FNIP2: variants seen among roughly 807,000 people sequenced by gnomAD.
FNIP2 encodes folliculin-interacting protein 2.
In FNIP2, 32 loss-of-function variants were observed where a neutral mutation model predicts 108.7. That is an observed-to-expected ratio of 0.29 (90% confidence interval 0.22 to 0.40). FNIP2 has a LOEUF of 0.40. Among genes scored for constraint, FNIP2 ranks in the 10% least tolerant of loss-of-function variants. The probability of loss-of-function intolerance (pLI) is 1.00; values close to 1 mark genes in which losing one functional copy is unlikely to be tolerated. For synonymous variants in FNIP2, 480 were observed against 496.7 expected (o/e 0.97, Z 0.45); for missense variants, 1,202 against 1,381.6 (o/e 0.87, Z 2.06).
intron 15 of FNIP2, among the ~76,000 whole-genome samples, chr4:158,892,117 C>T (rs1782312359): frequency 6.7e-6 from 1 of 149,438 alleles, no homozygotes; most frequent in South Asian, 2.1e-4. Context: ...GTACTATACA[C>T]ATGTAAGATT....
At chr4:158,817,537 A>G (rs1454562971) in intron 1 of FNIP2, among the ~76,000 whole-genome samples, 1 of 151,778 alleles carries the variant, frequency 6.6e-6, no homozygotes, top group Non-Finnish European at 1.5e-5. Context: ...GTCCCACCCC[A>G]TTTCCCATTT....
intron 7 of FNIP2, among the ~76,000 whole-genome samples, chr4:158,839,839 C>T (rs1779025269): frequency 1.3e-5 from 2 of 152,142 alleles, no homozygotes; most frequent in Admixed American, 1.3e-4. Flanking sequence ...TTATGTATTT[C>T]CTATCCCTGT....
chr4:158,886,975 A>G (rs1184068715), intron 14 of FNIP2, among the ~76,000 whole-genome samples: 3 of 152,238 alleles, frequency 2.0e-5, no homozygotes, highest in African/African-American at 7.2e-5. Flanking sequence ...TTACCAAGTA[A>G]TCTTACTAAA....
intron 1 of FNIP2, among the ~76,000 whole-genome samples, chr4:158,824,763 C>A (rs887174144): frequency 5.3e-5 from 8 of 152,154 alleles, no homozygotes; most frequent in Admixed American, 2.0e-4. Context: ...GTCCTTTCCA[C>A]CTCACGGCAC....
intron 7 of FNIP2, among the ~76,000 whole-genome samples, chr4:158,845,263 A>G (rs1042312148): frequency 1.3e-5 from 2 of 152,232 alleles, no homozygotes; most frequent in African/African-American, 4.8e-5. Context: ...TGAGGTACCA[A>G]TTGGAGAATT....
At chr4:158,823,132 A>C (rs911005872) in intron 1 of FNIP2, among the ~76,000 whole-genome samples, 1 of 152,232 alleles carries the variant, frequency 6.6e-6, no homozygotes, top group Non-Finnish European at 1.5e-5. Context: ...GGCAAAATGT[A>C]ATTATTAGGG....
intron 1 of FNIP2, among the ~76,000 whole-genome samples, chr4:158,788,465 T>A (rs1776295604): frequency 6.6e-6 from 1 of 152,266 alleles, no homozygotes; most frequent in Non-Finnish European, 1.5e-5. Flanking sequence ...GTGTTTAACC[T>A]CCACTTTTCT....
chr4:158,871,509 T>C, intron 14 of FNIP2: 1 of 985,210 alleles, frequency 1.0e-6, no homozygotes. Flanking sequence ...ACAGGCTAAG[T>C]ATATTTATGT....
chr4:158,882,699 C>G (rs376006695), intron 14 of FNIP2, among the ~76,000 whole-genome samples: 3 of 152,162 alleles, frequency 2.0e-5, no homozygotes, highest in African/African-American at 4.8e-5. Flanking sequence ...GACCTTACCC[C>G]CAACCGGGTG....
At chr4:158,882,290 G>A (rs955610294) in intron 14 of FNIP2, among the ~76,000 whole-genome samples, 1 of 152,236 alleles carries the variant, frequency 6.6e-6, no homozygotes, top group African/African-American at 2.4e-5. Flanking sequence ...TCTGGGAAGT[G>A]AGGAGCGTCT....
At chr4:158,886,740 C>T (rs1470860567) in intron 14 of FNIP2, among the ~76,000 whole-genome samples, 1 of 152,152 alleles carries the variant, frequency 6.6e-6, no homozygotes, top group East Asian at 1.9e-4. Context: ...CTCAAACAGG[C>T]ATCTTAAGTG....
intron 16 of FNIP2, among the ~76,000 whole-genome samples, chr4:158,901,128 A>ATTTTTTTTTTTTTTTTTTTTTTTTTT (rs140017298): frequency 8.9e-6 from 1 of 112,302 alleles, no homozygotes; most frequent in Non-Finnish European, 1.7e-5. Context: ...CTGGGTTGAA[A>ATTTTTTTTTTTTTTTTTTTTTTTTTT]TTTTTTTTTT....
In FNIP2 at chr4:158,866,094, C is replaced by A. The variant is rs573030386; in HGVS notation, c.1466-2008C>A. On this transcript the variant is annotated intron_variant, in intron 12 of 16. Transcript: ENST00000264433. Reference sequence around the variant, plus strand: ...TATGCCCTTATAACTGCTTTCCCTCCTCTCTAGATGCATTCCTCAGAGGGT... The same window carrying A: ...TATGCCCTTATAACTGCTTTCCCTCATCTCTAGATGCATTCCTCAGAGGGT... Among the ~76,000 whole-genome samples, 14 of 150,144 alleles carry A rather than the reference C, an allele frequency of 9.3e-5. No homozygotes were observed. In the East Asian group the frequency reaches 2.3e-3, roughly 25 times the overall value.
chr4:158,797,681 A>C (rs939126825), intron 1 of FNIP2, among the ~76,000 whole-genome samples: 11 of 152,210 alleles, frequency 7.2e-5, no homozygotes, highest in African/African-American at 2.2e-4. Context: ...CCTGGGTGTC[A>C]GAGCAAGACC....
intron 1 of FNIP2, among the ~76,000 whole-genome samples, chr4:158,823,576 CTG>C (rs1356861104): frequency 2.0e-5 from 3 of 152,182 alleles, no homozygotes; most frequent in Admixed American, 1.3e-4. Flanking sequence ...AGTCATCAGA[CTG>C]TGTTGATTGT....
chr4:158,830,242 A>G (rs1197029322), intron 3 of FNIP2, among the ~76,000 whole-genome samples: 4 of 133,064 alleles, frequency 3.0e-5, no homozygotes, highest in Non-Finnish European at 6.4e-5. Flanking sequence ...TGATAGATTT[A>G]TCTTTCTTTT....
At chr4:158,805,356 G>C (rs1392589359) in intron 1 of FNIP2, among the ~76,000 whole-genome samples, 1 of 152,072 alleles carries the variant, frequency 6.6e-6, no homozygotes, top group Non-Finnish European at 1.5e-5. Context: ...TTTTCTTCGT[G>C]AACCCACAGA....
chr4:158,776,544 G>A (rs907399184), intron 1 of FNIP2, among the ~76,000 whole-genome samples: 1 of 152,166 alleles, frequency 6.6e-6, no homozygotes, highest in Non-Finnish European at 1.5e-5. Context: ...TTCTTCATTA[G>A]CTATCCTCAT....
In FNIP2 at chr4:158,859,136, A is replaced by G. The variant is rs1194280553; in HGVS notation, c.937A>G (p.Ile313Val). ...TATGGTTAGGAGGAAGAAAATTGCC[A>G]TAAGCATCATCTTTTCCCTATGTGA... ...PAMVRRKKIA[I>V]SIIFSLCEKE... is the part of the protein sequence containing the mutation. The change falls in exon 9 of 17, where the codon ATA (isoleucine) becomes GTA (valine). Residue 313 changes from isoleucine to valine, a missense_variant. Transcript: ENST00000264433. 6 of 1,613,912 alleles carry G rather than the reference A, an allele frequency of 3.7e-6. No homozygotes were observed. The highest frequency in any genetic ancestry group is 1.3e-5 in the African/African-American group (1 of 74,954).
Sources: gnomAD v4.1 joint callset for allele counts (sites outside exome capture counted in the v4.1 genomes callset) on GRCh38, gnomAD v4.1.1 for gene constraint, MANE v1.5 for transcripts, NCBI Gene and HGNC (gene_info 2026-07-23, HGNC 2026-07-21) for gene names.